Variants in CLEC3A observed in about 807,000 individuals in gnomAD.
The protein encoded by CLEC3A is C-type lectin domain family 3 member A, also known as C-type (calcium dependent, carbohydrate-recognition domain) lectin, superfamily member 1 (cartilage-derived).
A neutral mutation model predicts 20.4 loss-of-function variants in CLEC3A; 28 were observed. The ratio of observed to expected loss-of-function variants is 1.37; its 90% CI spans 1.02 to 1.88. The LOEUF (loss-of-function observed/expected upper bound fraction) is 1.88, where lower values mean the gene tolerates loss of function less well. Among genes scored for constraint, CLEC3A ranks in the 40% most tolerant of loss-of-function variants. The pLI is 0.00. For synonymous variants in CLEC3A, 110 were observed against 88.1 expected (o/e 1.25, Z -1.39); for missense variants, 357 against 240.4 (o/e 1.48, Z -3.21).
intron 2 of CLEC3A, among the ~76,000 whole-genome samples, chr16:78,029,659 C>A (rs968565327): frequency 1.3e-5 from 2 of 151,916 alleles, no homozygotes; most frequent in African/African-American, 2.4e-5. Context: ...TGAGCCACCA[C>A]GCCAAGCATT....
chr16:78,023,888 G>T (rs1038851398), intron 1 of CLEC3A, among the ~76,000 whole-genome samples: 16 of 151,660 alleles, frequency 1.1e-4, no homozygotes, highest in African/African-American at 3.2e-4. Flanking sequence ...CTCCCAAGTA[G>T]CTAGGACTAC....
rs530195657 is a variant in CLEC3A, at chr16:78,025,489, G to C, written c.116-2618G>C. 7.2e-5 allele frequency among the ~76,000 whole-genome samples: 11 copies of C among 152,274 alleles called. No individual in the cohort carries two copies. In the East Asian group the frequency reaches 2.1e-3, roughly 29 times the overall value. On this transcript the variant is annotated intron_variant, in intron 1 of 2. Coordinates refer to ENST00000299642, the MANE Select transcript of CLEC3A (RefSeq NM_005752.6). Reference sequence around the variant, plus strand: ...ATCTTCCCATCTTCTGTGTATGGGAGTGCCCATTCCTATGTATTTTGACAG... The same window carrying C: ...ATCTTCCCATCTTCTGTGTATGGGACTGCCCATTCCTATGTATTTTGACAG...
chr16:78,025,565 T>C (rs1472882401), intron 1 of CLEC3A, among the ~76,000 whole-genome samples: 1 of 152,190 alleles, frequency 6.6e-6, no homozygotes, highest in South Asian at 2.1e-4. Context: ...GAATGACTTT[T>C]GTGTTTCTAC....
rs533302523 is a variant in CLEC3A, at chr16:78,022,893, C to A, written c.115+152C>A. ...ATGGCATTTCAGGGGATTAAGTGAA[C>A]TTGTAATGCTCTGGGATAGTTTATT... is the stretch of plus-strand genomic sequence containing the variant. On this transcript the variant is annotated intron_variant, in intron 1 of 2. Transcript: ENST00000299642. 8.0e-5 allele frequency: 58 copies of A among 721,682 alleles called. No individual in the cohort carries two copies. The South Asian group carries it at 1.1e-3, about 14-fold the overall frequency. The allele number at this position is 721,682 out of a possible 1,614,324, so 44.7% of individuals were successfully genotyped here.
intron 1 of CLEC3A, among the ~76,000 whole-genome samples, chr16:78,024,408 C>G (rs1253852142): frequency 6.6e-6 from 1 of 152,078 alleles, no homozygotes; most frequent in Non-Finnish European, 1.5e-5. Context: ...TTCCTCCTCC[C>G]ACTCTCTTCT....
At chr16:78,030,380 C>A in intron 2 of CLEC3A, 67 bp from the exon 3 acceptor site, 1 of 1,386,660 alleles carries the variant, frequency 7.2e-7, no homozygotes, top group South Asian at 1.4e-5. Context: ...TGCTATTTGC[C>A]AGGTCCAGCC....
rs2030087359 is a variant in CLEC3A, at chr16:78,031,019, C to T, written c.*178C>T. The T allele has an allele frequency of 3.0e-6, 2 of 656,284 alleles. No individual in the cohort carries two copies. The highest frequency in any genetic ancestry group is 1.8e-5 in the African/African-American group (1 of 54,856). 40.7% of individuals were successfully genotyped at this position (656,284 alleles called of 1,614,324 possible). A position where few individuals can be genotyped will look rare whatever the true frequency, so the allele number is the denominator to read the frequency against. ...TAACACATTTCTTTGGGATTTTGCC[C>T]TTCCTGGGGTATAGGGGATCAGAAA... On this transcript the variant is annotated 3_prime_UTR_variant, in exon 3 of 3. Coordinates refer to ENST00000299642, the MANE Select transcript of CLEC3A (RefSeq NM_005752.6).
chr16:78,030,676 C>T lies in CLEC3A; in HGVS notation c.429C>T (p.Asp143=), dbSNP rs765373485. Residue 143 remains aspartate, a synonymous_variant, in exon 3 of 3, where the codon GAC becomes GAT. Coordinates refer to ENST00000299642, the MANE Select transcript of CLEC3A (RefSeq NM_005752.6). The part of the protein sequence containing the change: ...NDMVTEGKFV[D]VNGIAISFLN... ...TGGTCACGGAAGGCAAGTTTGTTGA[C>T]GTCAACGGAATCGCTATCTCCTTCC... 59 of 1,613,972 alleles carry T rather than the reference C, an allele frequency of 3.7e-5. No individual in the cohort carries two copies. In the Middle Eastern group the frequency reaches 4.9e-4, roughly 13 times the overall value.
chr16:78,031,028 G>A lies in CLEC3A; in HGVS notation c.*187G>A, dbSNP rs556195297. ...TCTTTGGGATTTTGCCCTTCCTGGG[G>A]TATAGGGGATCAGAAATATTGATCC... On this transcript the variant is annotated 3_prime_UTR_variant, in exon 3 of 3. Coordinates refer to ENST00000299642, the MANE Select transcript of CLEC3A (RefSeq NM_005752.6). 3 of 603,902 alleles carry A rather than the reference G, an allele frequency of 5.0e-6. No individual in the cohort carries two copies. Among genetic ancestry groups the A allele is most frequent in the Non-Finnish European group, 8.4e-6 (3 of 358,166 alleles). 37.4% of individuals were successfully genotyped at this position (603,902 alleles called of 1,614,324 possible). A position where few individuals can be genotyped will look rare whatever the true frequency, so the allele number is the denominator to read the frequency against.
rs762599575 is a variant in CLEC3A at position 78,030,876 on chromosome 16, T to C, written c.*35T>C. ...CAATGTGTCCTCCAAGCAAGATTCA[T>C]CATAACTTATAGGTTCATGATCTCT... On this transcript the variant is annotated 3_prime_UTR_variant, in exon 3 of 3. Transcript: ENST00000299642. 1.9e-6 allele frequency: 3 copies of C among 1,563,276 alleles called. No individual in the cohort carries two copies. The highest frequency in any genetic ancestry group is 2.6e-6 in the Non-Finnish European group (3 of 1,155,788).
intron 1 of CLEC3A, among the ~76,000 whole-genome samples, chr16:78,023,543 A>G (rs1450517995): frequency 6.6e-6 from 1 of 152,188 alleles, no homozygotes; most frequent in East Asian, 1.9e-4. Flanking sequence ...CATCCTCTGC[A>G]TCATTTTCAT....
At chr16:78,028,006 A>C in intron 1 of CLEC3A, 101 bp from the exon 2 acceptor site, 1 of 842,814 alleles carries the variant, frequency 1.2e-6, no homozygotes, top group South Asian at 1.5e-5. Context: ...CAGGTTCACC[A>C]AAACCACTAT....
rs1282610639 is a variant in CLEC3A at position 78,031,649 on chromosome 16, T to C, written c.*808T>C. On this transcript the variant is annotated 3_prime_UTR_variant, in exon 3 of 3. Transcript: ENST00000299642. ...TACATTTATTTTGCTTTAGCATCCTTACTCTCACCTTTTATGAGATTGAGA... is the reference window on the plus strand; with the variant it reads ...TACATTTATTTTGCTTTAGCATCCTCACTCTCACCTTTTATGAGATTGAGA... 6.6e-6 allele frequency: 1 copy of C among 152,234 alleles called. No individual in the cohort carries two copies. Among genetic ancestry groups the C allele is most frequent in the African/African-American group, 2.4e-5 (1 of 41,466 alleles). The allele number at this position is 152,234 out of a possible 1,614,324, so 9.4% of individuals were successfully genotyped here.
rs1188479774 is a variant in CLEC3A, at chr16:78,030,943, G to C, written c.*102G>C. 7.6e-7 allele frequency: 1 copy of C among 1,313,206 alleles called. No individual in the cohort carries two copies. The highest frequency in any genetic ancestry group is 1.0e-6 in the Non-Finnish European group (1 of 971,292). The allele number at this position is 1,313,206 out of a possible 1,614,324, so 81.3% of individuals were successfully genotyped here. A position where few individuals can be genotyped will look rare whatever the true frequency, so the allele number is the denominator to read the frequency against. On this transcript the variant is annotated 3_prime_UTR_variant, in exon 3 of 3. Coordinates refer to ENST00000299642, the MANE Select transcript of CLEC3A (RefSeq NM_005752.6). ...CATAATTTTTACTTATTAAAAAATT[G>C]CAACACAAGATCAATGTCCATAGCA...
chr16:78,023,294 T>A (rs1340656345), intron 1 of CLEC3A, among the ~76,000 whole-genome samples: 1 of 152,172 alleles, frequency 6.6e-6, no homozygotes, highest in Non-Finnish European at 1.5e-5. Flanking sequence ...ATATTTAAAC[T>A]TTTTCATGTC....
rs759987357 is a variant in CLEC3A at position 78,028,142 on chromosome 16, C to G, written c.151C>G (p.Leu51Val). 3 of 1,611,988 alleles carry G rather than the reference C, an allele frequency of 1.9e-6. No individual in the cohort carries two copies. Among genetic ancestry groups the G allele is most frequent in the Non-Finnish European group, 8.5e-7 (1 of 1,179,574 alleles). ...DGDLKTQIEK[L>V]WTEVNALKEI... is the part of the protein sequence containing the mutation. ...AGATCTGAAGACTCAAATTGAAAAG[C>G]TCTGGACAGAAGTCAATGCCTTGAA... is the stretch of plus-strand genomic sequence containing the variant. The change falls in exon 2 of 3, where the codon CTC (leucine) becomes GTC (valine). Residue 51 changes from leucine to valine, a missense_variant. Physicochemically the swap from Leu to Val is conservative, Grantham distance 32 (BLOSUM62 1). Transcript: ENST00000299642.
At chr16:78,026,946 G>A (rs376799346) in intron 1 of CLEC3A, among the ~76,000 whole-genome samples, 13 of 152,252 alleles carry the variant, frequency 8.5e-5, no homozygotes, top group Middle Eastern at 3.4e-3. Flanking sequence ...GTGTTGAGTC[G>A]GAACACTGGG....
rs2142597892 is a variant in CLEC3A at position 78,031,006 on chromosome 16, T to C, written c.*165T>C. ...CAGCCAATTTTGCTAACACATTTCTTTGGGATTTTGCCCTTCCTGGGGTAT... is the reference window on the plus strand; with the variant it reads ...CAGCCAATTTTGCTAACACATTTCTCTGGGATTTTGCCCTTCCTGGGGTAT... On this transcript the variant is annotated 3_prime_UTR_variant, in exon 3 of 3. Coordinates refer to ENST00000299642, the MANE Select transcript of CLEC3A (RefSeq NM_005752.6). 1 of 749,740 alleles carries C rather than the reference T, an allele frequency of 1.3e-6. No individual in the cohort carries two copies. 46.4% of individuals were successfully genotyped at this position (749,740 alleles called of 1,614,324 possible).
chr16:78,028,296 T>C (rs1381401479), intron 2 of CLEC3A, 106 bp downstream of exon 2: 2 of 716,464 alleles, frequency 2.8e-6, no homozygotes, highest in Non-Finnish European at 4.4e-6. Context: ...AAATCAATAA[T>C]GTGGCCAATA....
Sources: allele counts gnomAD v4.1 joint callset (sites outside exome capture counted in the v4.1 genomes callset), GRCh38; gene constraint gnomAD v4.1.1; transcripts MANE v1.5; gene names NCBI Gene and HGNC (gene_info 2026-07-23, HGNC 2026-07-21).